Variants in ESRRG observed in about 807,000 individuals in gnomAD.
The protein encoded by ESRRG is estrogen related receptor gamma, also known as estrogen-related receptor gamma.
ESRRG carries 13 observed loss-of-function variants against 44.0 expected under a neutral mutation model. The ratio of observed to expected loss-of-function variants is 0.30; its 90% CI spans 0.19 to 0.47. ESRRG has a LOEUF of 0.47. Among genes scored for constraint, ESRRG ranks in the 20% least tolerant of loss-of-function variants. The pLI is 1.00. For synonymous variants in ESRRG, 215 were observed against 214.6 expected (o/e 1.00, Z -0.02); for missense variants, 395 against 580.6 (o/e 0.68, Z 3.29).
At chr1:216,732,923 A>G (rs1465439119) in intron 2 of ESRRG, among the ~76,000 whole-genome samples, 1 of 151,866 alleles carries the variant, frequency 6.6e-6, no homozygotes, top group Non-Finnish European at 1.5e-5. Context: ...CTGGTTAGGC[A>G]TAGCTCCAAA....
chr1:216,999,890 T>G (rs1016647570), intron 1 of ESRRG, among the ~76,000 whole-genome samples: 1 of 152,184 alleles, frequency 6.6e-6, no homozygotes, highest in African/African-American at 2.4e-5. Flanking sequence ...GACATGACTA[T>G]TCCCATGTTT....
intron 1 of ESRRG, among the ~76,000 whole-genome samples, chr1:217,087,795 G>T (rs1426691375): frequency 6.6e-6 from 1 of 152,158 alleles, no homozygotes; most frequent in Non-Finnish European, 1.5e-5. Context: ...AAAGCCATGC[G>T]TAACAGACAA....
Position 216,949,559 on chromosome 1 carries a change from T to C in ESRRG, c.-105-9886A>G, listed in dbSNP as rs1201294078. 1.2e-4 allele frequency among the ~76,000 whole-genome samples: 18 copies of C among 152,268 alleles called. No individual in the cohort carries two copies. The South Asian group carries it at 3.3e-3, about 28-fold the overall frequency. On this transcript the variant is annotated intron_variant, in intron 1 of 7. Transcript: ENST00000359162. The stretch of plus-strand genomic sequence containing the variant: ...ATAGTTAGCACCCATGATATTAACG[T>C]CTGAGATCATAAGTGTTACCTAAAC...
chr1:217,115,884 G>C (rs554906682), intron 1 of ESRRG, among the ~76,000 whole-genome samples: 1 of 152,198 alleles, frequency 6.6e-6, no homozygotes, highest in African/African-American at 2.4e-5. Flanking sequence ...TCTGTTTCAT[G>C]ACTACTCAGC....
At chr1:216,687,049 G>GTGTC (rs1553502151) in intron 1 of ESRRG, among the ~76,000 whole-genome samples, 3 of 86,704 alleles carry the variant, frequency 3.5e-5, no homozygotes, top group African/African-American at 1.3e-4. Context: ...GTGTGTGTCT[G>GTGTC]TGTGTGTGTG....
At chr1:216,903,708 C>T (rs1202071535) in intron 2 of ESRRG, among the ~76,000 whole-genome samples, 1 of 151,650 alleles carries the variant, frequency 6.6e-6, no homozygotes, top group Non-Finnish European at 1.5e-5. Flanking sequence ...GTAAGAAGTG[C>T]CTTGGGGAAT....
intron 1 of ESRRG, among the ~76,000 whole-genome samples, chr1:216,953,158 T>C (rs769706878): frequency 6.6e-6 from 1 of 152,092 alleles, no homozygotes; most frequent in Non-Finnish European, 1.5e-5. Flanking sequence ...TGCAGAAAGG[T>C]ATTCAGCACA....
chr1:217,051,853 C>T (rs561899572), intron 1 of ESRRG, among the ~76,000 whole-genome samples: 1 of 152,276 alleles, frequency 6.6e-6, no homozygotes, highest in South Asian at 2.1e-4. Context: ...GCCTCTAACT[C>T]CTGGGCTCAA....
At chr1:216,989,418 ACT>A (rs1053719672) in intron 1 of ESRRG, among the ~76,000 whole-genome samples, 6 of 130,894 alleles carry the variant, frequency 4.6e-5, no homozygotes, top group African/African-American at 1.8e-4. Context: ...CATGGTAGAG[ACT>A]CTGTCTCAAA....
At chr1:216,644,230 T>A (rs1172337767) in intron 3 of ESRRG, among the ~76,000 whole-genome samples, 1 of 152,110 alleles carries the variant, frequency 6.6e-6, no homozygotes, top group Admixed American at 6.6e-5. Context: ...TGGTGACTTA[T>A]TGCAAATGCC....
At chr1:216,577,660 G>A (rs2061930525) in intron 3 of ESRRG, among the ~76,000 whole-genome samples, 1 of 152,026 alleles carries the variant, frequency 6.6e-6, no homozygotes, top group Non-Finnish European at 1.5e-5. Context: ...AGGTTTACAA[G>A]TTGCTGGGTT....
intron 1 of ESRRG, among the ~76,000 whole-genome samples, chr1:216,952,212 C>T (rs1007894636): frequency 6.6e-6 from 1 of 152,140 alleles, no homozygotes; most frequent in African/African-American, 2.4e-5. Context: ...TCCTCTCAAA[C>T]CTGTGACTGC....
At chr1:216,629,628 G>A (rs1462167798) in intron 3 of ESRRG, among the ~76,000 whole-genome samples, 2 of 151,842 alleles carry the variant, frequency 1.3e-5, no homozygotes, top group East Asian at 3.9e-4. Context: ...TGGCAGAGGA[G>A]AATTAATGTT....
intron 2 of ESRRG, among the ~76,000 whole-genome samples, chr1:216,884,810 T>G (rs2149346641): frequency 6.6e-6 from 1 of 152,336 alleles, no homozygotes; most frequent in South Asian, 2.1e-4. Flanking sequence ...ATAAATAATT[T>G]CTTAATAAAT....
intron 5 of ESRRG, among the ~76,000 whole-genome samples, chr1:216,537,608 TG>T (rs752090277): frequency 5.3e-5 from 8 of 152,024 alleles, no homozygotes; most frequent in Non-Finnish European, 1.0e-4. Flanking sequence ...TGCAAACTTT[TG>T]CAGCCTTTAC....
intron 1 of ESRRG, among the ~76,000 whole-genome samples, chr1:217,100,457 T>C (rs952681821): frequency 6.6e-6 from 1 of 152,214 alleles, no homozygotes; most frequent in African/African-American, 2.4e-5. Flanking sequence ...CTAGTTTTCT[T>C]CACAAACTGT....
intron 1 of ESRRG, among the ~76,000 whole-genome samples, chr1:216,710,932 A>G (rs1253779024): frequency 3.3e-5 from 5 of 152,236 alleles, no homozygotes; most frequent in African/African-American, 7.2e-5. Context: ...GGGACCAGGC[A>G]GAGGCATTCG....
intron 1 of ESRRG, among the ~76,000 whole-genome samples, chr1:217,022,447 C>T (rs114907675): frequency 0.02 from 2,986 of 152,272 alleles, 110 homozygotes; most frequent in African/African-American, 0.068. Flanking sequence ...CATATGCAAA[C>T]GGCAAGTCGC....
chr1:216,828,631 T>C (rs943621185), intron 2 of ESRRG, among the ~76,000 whole-genome samples: 7 of 152,340 alleles, frequency 4.6e-5, no homozygotes, highest in African/African-American at 9.6e-5. Context: ...CTGGCATTTG[T>C]ATTTTCTACA....
Sources: gnomAD v4.1 joint callset for allele counts (sites outside exome capture counted in the v4.1 genomes callset) on GRCh38, gnomAD v4.1.1 for gene constraint, MANE v1.5 for transcripts, NCBI Gene and HGNC (gene_info 2026-07-23, HGNC 2026-07-21) for gene names.